The following ZC3H7A variants were observed in gnomAD, a reference collection of about 807,000 sequenced individuals.
The protein encoded by ZC3H7A is zinc finger CCCH domain-containing protein 7A.
ZC3H7A carries 44 observed loss-of-function variants against 125.5 expected under a neutral mutation model. The observed-to-expected ratio is 0.35, with a 90% CI of 0.28 to 0.45. The LOEUF (loss-of-function observed/expected upper bound fraction) is 0.45, where lower values mean the gene tolerates loss of function less well. Ranked by LOEUF, ZC3H7A falls within the 20% of genes least tolerant of loss-of-function variation. The pLI is 1.00. For missense variants in ZC3H7A, 977 were observed against 1,170.7 expected (o/e 0.83, Z 2.41); for synonymous variants, 399 against 391.2 (o/e 1.02, Z -0.23).
Position 11,765,354 on chromosome 16 carries a change from A to T in ZC3H7A, c.1719+135T>A. 1 of 639,960 alleles carries T rather than the reference A, an allele frequency of 1.6e-6. No individual in the cohort carries two copies. Among genetic ancestry groups the T allele is most frequent in the Non-Finnish European group, 2.4e-6 (1 of 414,960 alleles). The allele number at this position is 639,960 out of a possible 1,614,324, so 39.6% of individuals were successfully genotyped here. ...GACCAGAGGAATATTTTATTCATAA[A>T]TATGATATTATTTATCATATAAATA... On this transcript the variant is annotated intron_variant, in intron 14 of 22. Transcript: ENST00000355758. This position sits in a 1 kb window ranked among gnomAD's most constrained non-coding sequence, Gnocchi z 4.8.
rs545846352 is a variant in ZC3H7A, at chr16:11,769,200, G to A, written c.1109-105C>T. ...CTATGGCCTCCCACGCTATTCTCCC[G>A]TCCCAGTTTCTAGAAATTTTCTTGC... On this transcript the variant is annotated intron_variant, in intron 10 of 22. Coordinates refer to ENST00000355758, the MANE Select transcript of ZC3H7A (RefSeq NM_014153.4). 219 of 933,652 alleles carry A rather than the reference G, an allele frequency of 2.3e-4. No homozygotes were observed. The African/African-American group carries it at 2.4e-3, about 10-fold the overall frequency. The allele number at this position is 933,652 out of a possible 1,614,324, so 57.8% of individuals were successfully genotyped here.
In ZC3H7A at chr16:11,767,322, A is replaced by T. The variant is rs558152359; in HGVS notation, c.1522+95T>A. The T allele has an allele frequency of 6.8e-6, 7 of 1,029,608 alleles. No individual in the cohort carries two copies. In the African/African-American group the frequency reaches 1.5e-4, roughly 22 times the overall value. 63.8% of individuals were successfully genotyped at this position (1,029,608 alleles called of 1,614,324 possible). A position where few individuals can be genotyped will look rare whatever the true frequency, so the allele number is the denominator to read the frequency against. ...AGTACTCTGTGATGTTCCCCTAATGATGCATTTCTCACAATGTATCCTGTC... is the reference window on the plus strand; with the variant it reads ...AGTACTCTGTGATGTTCCCCTAATGTTGCATTTCTCACAATGTATCCTGTC... On this transcript the variant is annotated intron_variant, in intron 13 of 22. Transcript: ENST00000355758.
intron 21 of ZC3H7A, among the ~76,000 whole-genome samples, chr16:11,754,762 G>A (rs1276762559): frequency 3.3e-5 from 5 of 151,412 alleles, no homozygotes; most frequent in Non-Finnish European, 7.4e-5. Context: ...CGTGGTGGCC[G>A]GCACCTGTAG....
chr16:11,794,733 TGA>T (rs1414574213), intron 1 of ZC3H7A, among the ~76,000 whole-genome samples: 1 of 152,202 alleles, frequency 6.6e-6, no homozygotes, highest in Non-Finnish European at 1.5e-5. Flanking sequence ...TCCCTGGAGT[TGA>T]GAGTTTCTAT....
chr16:11,772,531 G>T (rs903894213), intron 9 of ZC3H7A, among the ~76,000 whole-genome samples: 1 of 151,718 alleles, frequency 6.6e-6, no homozygotes, highest in Non-Finnish European at 1.5e-5. Flanking sequence ...AACTTGCCCA[G>T]TATCACAGAG....
intron 4 of ZC3H7A, among the ~76,000 whole-genome samples, chr16:11,777,201 G>A (rs779375223): frequency 1.3e-4 from 20 of 152,274 alleles, no homozygotes; most frequent in Middle Eastern, 3.4e-3. Flanking sequence ...CCTAACTGAT[G>A]TCCCCATGTG....
intron 22 of ZC3H7A, among the ~76,000 whole-genome samples, chr16:11,752,046 C>G (rs1165338544): frequency 6.6e-6 from 1 of 151,806 alleles, no homozygotes; most frequent in Non-Finnish European, 1.5e-5. Flanking sequence ...GCTGGGATTA[C>G]AGGCACCTGC....
intron 8 of ZC3H7A, 103 bp downstream of exon 8, chr16:11,774,877 A>C: frequency 1.5e-6 from 2 of 1,324,832 alleles, no homozygotes; most frequent in Non-Finnish European, 2.1e-6. Context: ...ATTAATATGA[A>C]TATAACCACA....
chr16:11,776,657 G>A (rs535152037), intron 5 of ZC3H7A, 94 bp downstream of exon 5: 11 of 1,512,134 alleles, frequency 7.3e-6, no homozygotes, highest in Non-Finnish European at 5.3e-6. Flanking sequence ...AACTGAAGCA[G>A]GTTGATGGAT....
chr16:11,788,297 G>C (rs895331019), intron 1 of ZC3H7A, among the ~76,000 whole-genome samples: 1 of 151,936 alleles, frequency 6.6e-6, no homozygotes, highest in Non-Finnish European at 1.5e-5. Context: ...ACCCACTCTT[G>C]AGATCTCCCC....
intron 21 of ZC3H7A, among the ~76,000 whole-genome samples, chr16:11,755,308 G>A (rs1014319358): frequency 6.6e-5 from 10 of 151,974 alleles, no homozygotes; most frequent in Non-Finnish European, 1.5e-5. Context: ...GGGAACATAT[G>A]GGGTTCTAAC....
intron 12 of ZC3H7A, 113 bp downstream of exon 12, chr16:11,768,202 G>A: frequency 9.3e-7 from 1 of 1,071,898 alleles, no homozygotes; most frequent in Non-Finnish European, 1.3e-6. Context: ...TCAAAATAGG[G>A]ATTGAAGAAC....
intron 9 of ZC3H7A, among the ~76,000 whole-genome samples, chr16:11,773,639 T>G (rs981095396): frequency 1.3e-5 from 2 of 151,860 alleles, no homozygotes; most frequent in South Asian, 4.1e-4. Flanking sequence ...TCCCAGCACT[T>G]TGGGAGGCCG....
At chr16:11,788,499 C>A (rs1046634249) in intron 1 of ZC3H7A, among the ~76,000 whole-genome samples, 1 of 152,242 alleles carries the variant, frequency 6.6e-6, no homozygotes, top group Non-Finnish European at 1.5e-5. Context: ...TCCTTCCCAT[C>A]CTATCACTTA....
chr16:11,768,947 T>C (rs2052918694), intron 11 of ZC3H7A, 84 bp downstream of exon 11: 1 of 1,368,242 alleles, frequency 7.3e-7, no homozygotes. Flanking sequence ...AGGGAGACTG[T>C]CATGTTCATT....
chr16:11,768,605 A>T, intron 11 of ZC3H7A, 104 bp from the exon 12 acceptor site: 1 of 1,054,046 alleles, frequency 9.5e-7, no homozygotes, highest in Non-Finnish European at 1.3e-6. Context: ...TAATCTTCAT[A>T]AACTGAGGTC....
intron 9 of ZC3H7A, among the ~76,000 whole-genome samples, chr16:11,772,653 A>G (rs886166884): frequency 2.0e-5 from 3 of 149,708 alleles, no homozygotes; most frequent in Non-Finnish European, 4.4e-5. Context: ...TCATCCTACC[A>G]CTGCTGCTAC....
Position 11,781,414 on chromosome 16 carries a change from G to A in ZC3H7A, c.108+11C>T, listed in dbSNP as rs374305196. On this transcript the variant is annotated intron_variant, in intron 3 of 22. Transcript: ENST00000355758. ...GCAGAGCTTTCAAGCAGACCTTCCC[G>A]GAGTCATTACCGCATATTGCTCCTG... 6.9e-5 allele frequency: 110 copies of A among 1,600,228 alleles called. No homozygotes were observed. The African/African-American group carries it at 1.1e-3, about 15-fold the overall frequency.
chr16:11,782,208 G>C lies in ZC3H7A; in HGVS notation c.68+79C>G. The C allele has an allele frequency of 2.6e-6, 4 of 1,516,136 alleles. 1 individual carries two copies. In the South Asian group the frequency reaches 4.5e-5, roughly 17 times the overall value. 93.9% of individuals were successfully genotyped at this position (1,516,136 alleles called of 1,614,324 possible). On this transcript the variant is annotated intron_variant, in intron 2 of 22. Coordinates refer to ENST00000355758, the MANE Select transcript of ZC3H7A (RefSeq NM_014153.4). ...TGGACCTATTAAACATGACTAAAGAGTTCTTCCTCTCCACAAAACATACAT... is the reference window on the plus strand; with the variant it reads ...TGGACCTATTAAACATGACTAAAGACTTCTTCCTCTCCACAAAACATACAT...
Sources: gnomAD v4.1 joint callset for allele counts (sites outside exome capture counted in the v4.1 genomes callset) on GRCh38, gnomAD v4.1.1 for gene constraint, Gnocchi (gnomAD v3.1) non-coding constraint, MANE v1.5 for transcripts, NCBI Gene and HGNC (gene_info 2026-07-23, HGNC 2026-07-21) for gene names.